Variants in CNTN3 observed in about 807,000 individuals in gnomAD.
CNTN3 encodes the protein contactin-3.
A neutral mutation model predicts 119.1 loss-of-function variants in CNTN3; 60 were observed. The ratio of observed to expected loss-of-function variants is 0.50; its 90% CI spans 0.41 to 0.62. The LOEUF (loss-of-function observed/expected upper bound fraction) is 0.62. Among genes scored for constraint, CNTN3 ranks in the 20% least tolerant of loss-of-function variants. The pLI, the probability that CNTN3 is intolerant of heterozygous loss-of-function variation, is 0.00. For synonymous variants in CNTN3, 450 were observed against 438.7 expected (o/e 1.03, Z -0.32); for missense variants, 1,101 against 1,242.4 (o/e 0.89, Z 1.71).
At chr3:74,321,380 C>T (rs938481295) in intron 13 of CNTN3, among the ~76,000 whole-genome samples, 1 of 151,904 alleles carries the variant, frequency 6.6e-6, no homozygotes, top group Non-Finnish European at 1.5e-5. Flanking sequence ...AACAGAAATA[C>T]AACATCATAA....
intron 11 of CNTN3, among the ~76,000 whole-genome samples, chr3:74,356,650 A>C (rs1443826837): frequency 6.6e-6 from 1 of 152,142 alleles, no homozygotes; most frequent in Non-Finnish European, 1.5e-5. Flanking sequence ...GTGTGAACTT[A>C]AATGTAAGAG....
At chr3:74,411,829 T>C (rs1490847687) in intron 5 of CNTN3, among the ~76,000 whole-genome samples, 1 of 152,126 alleles carries the variant, frequency 6.6e-6, no homozygotes, top group Non-Finnish European at 1.5e-5. Flanking sequence ...TGGAAGGTGA[T>C]CAGTAAATGG....
At chr3:74,388,414 T>C (rs1292890223) in intron 5 of CNTN3, among the ~76,000 whole-genome samples, 1 of 152,060 alleles carries the variant, frequency 6.6e-6, no homozygotes, top group Non-Finnish European at 1.5e-5. Context: ...ATTTTAAGTG[T>C]GACTCAAAAA....
Position 74,262,991 on chromosome 3 carries a change from G to C in CNTN3, c.*1410C>G, listed in dbSNP as rs1701604143. On this transcript the variant is annotated 3_prime_UTR_variant, in exon 23 of 23. Coordinates refer to ENST00000263665, the MANE Select transcript of CNTN3 (RefSeq NM_020872.3). ...TCTAAATGTAAAATAGTGCTTTATG[G>C]TGATATCAGAATTTCCCTAATTTTT... The C allele has an allele frequency of 6.6e-6, 1 of 151,984 alleles. No homozygotes were observed. The highest frequency in any genetic ancestry group is 1.5e-5 in the Non-Finnish European group (1 of 67,954). 9.4% of individuals were successfully genotyped at this position (151,984 alleles called of 1,614,324 possible). A position where few individuals can be genotyped will look rare whatever the true frequency, so the allele number is the denominator to read the frequency against.
chr3:74,420,392 C>T (rs531857688), intron 5 of CNTN3, among the ~76,000 whole-genome samples: 41 of 152,244 alleles, frequency 2.7e-4, no homozygotes, highest in African/African-American at 7.7e-4. Flanking sequence ...CTTATTTAGG[C>T]CTTTTCCACA....
chr3:74,429,697 G>A (rs4131441), intron 4 of CNTN3, among the ~76,000 whole-genome samples: 33,398 of 151,858 alleles, frequency 0.22, 3,714 homozygotes, highest in Admixed American at 0.27. Flanking sequence ...AGGATGTAAA[G>A]AAAAGCTACA....
At chr3:74,497,253 C>A (rs905040874) in intron 3 of CNTN3, among the ~76,000 whole-genome samples, 10 of 151,772 alleles carry the variant, frequency 6.6e-5, no homozygotes, top group Non-Finnish European at 8.8e-5. Flanking sequence ...TAGGAATAGG[C>A]AAGCATATTT....
rs1703717532 is a variant in CNTN3 at position 74,533,212 on chromosome 3, A to G, written c.-80-12020T>C. On this transcript the variant is annotated intron_variant, in intron 1 of 22. Coordinates refer to ENST00000263665, the MANE Select transcript of CNTN3 (RefSeq NM_020872.3). ...AATTTAGAAACCATAGTTTGATTTT[A>G]TAGAGTCACTCCATTTTGAGGAGCT... is the stretch of plus-strand genomic sequence containing the variant. 4.6e-5 allele frequency among the ~76,000 whole-genome samples: 7 copies of G among 152,144 alleles called. 1 individual carries two copies. The South Asian group carries it at 1.4e-3, about 32-fold the overall frequency.
At chr3:74,583,597 T>C (rs1418633920) in intron 1 of CNTN3, among the ~76,000 whole-genome samples, 1 of 152,162 alleles carries the variant, frequency 6.6e-6, no homozygotes, top group Admixed American at 6.5e-5. Context: ...GAAATGACCA[T>C]GAGAGGAATT....
chr3:74,307,054 G>A (rs1702579374), intron 13 of CNTN3, among the ~76,000 whole-genome samples: 1 of 152,130 alleles, frequency 6.6e-6, no homozygotes, highest in South Asian at 2.1e-4. Context: ...ATGAGCAGAA[G>A]TTGTCCAGGA....
chr3:74,352,414 G>T (rs1024130321), intron 11 of CNTN3, among the ~76,000 whole-genome samples: 5 of 152,292 alleles, frequency 3.3e-5, no homozygotes, highest in African/African-American at 1.2e-4. Context: ...TGTCCAGTGT[G>T]CTCAGCCAGT....
intron 1 of CNTN3, among the ~76,000 whole-genome samples, chr3:74,535,884 T>A (rs1272227038): frequency 1.2e-4 from 18 of 152,248 alleles, no homozygotes. Context: ...CAGCCCGTCT[T>A]GAAACCTCTA....
chr3:74,510,461 A>G (rs1703346337), intron 2 of CNTN3, among the ~76,000 whole-genome samples: 1 of 152,126 alleles, frequency 6.6e-6, no homozygotes, highest in Non-Finnish European at 1.5e-5. Context: ...GAAAGTACAT[A>G]CAAAAATAGC....
At chr3:74,594,379 G>C (rs1368032007) in intron 1 of CNTN3, among the ~76,000 whole-genome samples, 1 of 149,438 alleles carries the variant, frequency 6.7e-6, no homozygotes, top group Non-Finnish European at 1.5e-5. Flanking sequence ...TGCCATGCTG[G>C]TGCACTGCAC....
intron 1 of CNTN3, among the ~76,000 whole-genome samples, chr3:74,606,285 C>A (rs1704991724): frequency 6.6e-6 from 1 of 152,036 alleles, no homozygotes; most frequent in Non-Finnish European, 1.5e-5. Flanking sequence ...ATCTTATATA[C>A]AATCTAAAAT....
chr3:74,555,868 T>A (rs763750086), intron 1 of CNTN3, among the ~76,000 whole-genome samples: 4 of 152,164 alleles, frequency 2.6e-5, no homozygotes, highest in Non-Finnish European at 5.9e-5. Flanking sequence ...AGCTCCTGGA[T>A]TCATTCATTT....
chr3:74,433,334 T>G lies in CNTN3; in HGVS notation c.359-8394A>C, dbSNP rs118049307. Reference sequence around the variant, plus strand: ...TGCTTTGGGAGGTGGGAATCAGAGGTGTGATACAGGGCATCAAAAAATGTC... The same window carrying G: ...TGCTTTGGGAGGTGGGAATCAGAGGGGTGATACAGGGCATCAAAAAATGTC... On this transcript the variant is annotated intron_variant, in intron 4 of 22. Coordinates refer to ENST00000263665, the MANE Select transcript of CNTN3 (RefSeq NM_020872.3). Among the ~76,000 whole-genome samples the G allele has an allele frequency of 3.9e-5, 6 of 152,212 alleles. No individual in the cohort carries two copies. In the East Asian group the frequency reaches 1.2e-3, roughly 29 times the overall value.
chr3:74,275,832 A>T (rs1484507101), intron 20 of CNTN3, among the ~76,000 whole-genome samples: 1 of 152,210 alleles, frequency 6.6e-6, no homozygotes, highest in Non-Finnish European at 1.5e-5. Flanking sequence ...TGCTCCACTT[A>T]AAAGATACAG....
Position 74,301,648 on chromosome 3 carries a change from T to C in CNTN3, c.1944A>G (p.Thr648=). The C allele has an allele frequency of 1.2e-6, 2 of 1,613,976 alleles. No individual in the cohort carries two copies. Among genetic ancestry groups the C allele is most frequent in the Non-Finnish European group, 8.5e-7 (1 of 1,179,912 alleles). Residue 648 remains threonine, a splice_region_variant and synonymous_variant, in exon 15 of 23, where the codon ACA becomes ACG. Coordinates refer to ENST00000263665, the MANE Select transcript of CNTN3 (RefSeq NM_020872.3). The stretch of plus-strand genomic sequence containing the variant: ...TGACATCTGCCTCTCCTGCTTTACC[T>C]GTTGTGACGGTTTGCCAACCCACGG... ...PFSVGWQTVT[T]VPEVIDGKTH... is the part of the protein sequence containing the mutation.
Sources: allele counts gnomAD v4.1 joint callset (sites outside exome capture counted in the v4.1 genomes callset), GRCh38; gene constraint gnomAD v4.1.1; transcripts MANE v1.5; gene names NCBI Gene and HGNC (gene_info 2026-07-23, HGNC 2026-07-21).